JMJD1C: variants seen among roughly 807,000 people sequenced by gnomAD.
The protein encoded by JMJD1C is jumonji domain-containing protein 1C.
A neutral mutation model predicts 245.3 loss-of-function variants in JMJD1C; 31 were observed. The ratio of observed to expected loss-of-function variants is 0.13; its 90% CI spans 0.09 to 0.17. The LOEUF (loss-of-function observed/expected upper bound fraction) is 0.17, where lower values mean the gene tolerates loss of function less well. Among genes scored for constraint, JMJD1C ranks in the 10% least tolerant of loss-of-function variants. JMJD1C has a pLI of 1.00. For missense variants in JMJD1C, 2,691 were observed against 3,000.2 expected, an observed-to-expected ratio of 0.90 and a Z score of 2.41; for synonymous variants, 1,057 against 1,017.4, an observed-to-expected ratio of 1.04 and a Z score of -0.74.
chr10:63,246,884 A>T (rs2133575905), intron 3 of JMJD1C, among the ~76,000 whole-genome samples: 1 of 152,124 alleles, frequency 6.6e-6, no homozygotes, highest in South Asian at 2.1e-4. Flanking sequence ...AATTTTTTTT[A>T]ATTTCTTGAA....
intron 2 of JMJD1C, among the ~76,000 whole-genome samples, chr10:63,317,192 T>G (rs1263580975): frequency 6.6e-6 from 1 of 151,914 alleles, no homozygotes; most frequent in Admixed American, 6.6e-5. Context: ...CTAGGAACAT[T>G]TAAGTCTTCT....
intron 3 of JMJD1C, among the ~76,000 whole-genome samples, chr10:63,236,622 A>C (rs546749355): frequency 8.7e-4 from 133 of 152,312 alleles, no homozygotes; most frequent in African/African-American, 3.0e-3. Flanking sequence ...GCTTCCTCAA[A>C]CTTAAACTGA....
chr10:63,472,036 C>T (rs1953507016), intron 1 of JMJD1C, among the ~76,000 whole-genome samples: 1 of 152,042 alleles, frequency 6.6e-6, no homozygotes, highest in South Asian at 2.1e-4. Context: ...GAGACTCAGT[C>T]TCAAAACAAA....
In JMJD1C at chr10:63,323,896, G is replaced by A. The variant is rs189027568; in HGVS notation, c.333+56422C>T. Among the ~76,000 whole-genome samples, 79 of 152,204 alleles carry A rather than the reference G, an allele frequency of 5.2e-4. 2 individuals carry two copies. Among genetic ancestry groups the A allele is most frequent in the Admixed American group, 3.1e-3 (47 of 15,282 alleles). Reference sequence around the variant, plus strand: ...TATGAAAGCCAAAATCCCATGATCTGCAGCCCACAAGCTGGAGAAACAGGA... The same window carrying A: ...TATGAAAGCCAAAATCCCATGATCTACAGCCCACAAGCTGGAGAAACAGGA... On this transcript the variant is annotated intron_variant, in intron 2 of 25. Transcript: ENST00000399262.
intron 1 of JMJD1C, among the ~76,000 whole-genome samples, chr10:63,500,202 G>A (rs1224001200): frequency 6.6e-6 from 1 of 152,056 alleles, no homozygotes; most frequent in Non-Finnish European, 1.5e-5. Context: ...CGGGAGAACT[G>A]CTTGAGCCCA....
At chr10:63,432,204 C>G (rs566773877) in intron 1 of JMJD1C, among the ~76,000 whole-genome samples, 1 of 152,276 alleles carries the variant, frequency 6.6e-6, no homozygotes, top group South Asian at 2.1e-4. Context: ...GTGCCATTTT[C>G]TATACATCTG....
chr10:63,425,377 G>C (rs184892888), intron 1 of JMJD1C, among the ~76,000 whole-genome samples: 1 of 152,126 alleles, frequency 6.6e-6, no homozygotes, highest in Non-Finnish European at 1.5e-5. Context: ...GATCTTATGA[G>C]ATTAAAAGTC....
intron 1 of JMJD1C, among the ~76,000 whole-genome samples, chr10:63,413,347 T>C (rs1360909960): frequency 6.6e-6 from 1 of 152,176 alleles, no homozygotes; most frequent in African/African-American, 2.4e-5. Flanking sequence ...ACCTTAAATA[T>C]ATGGTATTCA....
At chr10:63,389,346 T>C (rs572573962) in intron 1 of JMJD1C, among the ~76,000 whole-genome samples, 1 of 146,384 alleles carries the variant, frequency 6.8e-6, no homozygotes, top group African/African-American at 2.5e-5. Context: ...AAAAAAGATC[T>C]AAATGGAGAG....
intron 1 of JMJD1C, among the ~76,000 whole-genome samples, chr10:63,439,838 T>C (rs765380991): frequency 6.6e-6 from 1 of 152,220 alleles, no homozygotes; most frequent in Non-Finnish European, 1.5e-5. Flanking sequence ...CAGTTTATTT[T>C]TTTAAGTAAT....
intron 2 of JMJD1C, among the ~76,000 whole-genome samples, chr10:63,295,808 C>A (rs1193141251): frequency 6.6e-6 from 1 of 151,306 alleles, no homozygotes; most frequent in African/African-American, 2.4e-5. Context: ...TCCAATGAGC[C>A]CCTTGTCACA....
intron 1 of JMJD1C, among the ~76,000 whole-genome samples, chr10:63,400,424 A>C (rs572142519): frequency 6.6e-6 from 1 of 152,230 alleles, no homozygotes; most frequent in South Asian, 2.1e-4. Flanking sequence ...GAGGGAAGAG[A>C]AGCCAAGTGA....
At chr10:63,200,119 C>A (rs1396743944) in intron 11 of JMJD1C, among the ~76,000 whole-genome samples, 1 of 152,072 alleles carries the variant, frequency 6.6e-6, no homozygotes, top group African/African-American at 2.4e-5. Context: ...TTTAGTTGAA[C>A]TCTTGCAAGT....
At chr10:63,444,288 T>C (rs557347164) in intron 1 of JMJD1C, among the ~76,000 whole-genome samples, 21 of 152,206 alleles carry the variant, frequency 1.4e-4, no homozygotes, top group African/African-American at 4.8e-4. Context: ...TATTTATTTA[T>C]TTTGAGATAG....
chr10:63,209,247 A>G lies in JMJD1C; in HGVS notation c.2695-12T>C. 6.3e-7 allele frequency: 1 copy of G among 1,583,226 alleles called. No homozygotes were observed. Among genetic ancestry groups the G allele is most frequent in the Non-Finnish European group, 8.6e-7 (1 of 1,166,638 alleles). On this transcript the variant is annotated splice_polypyrimidine_tract_variant and intron_variant, in intron 8 of 25. Coordinates refer to ENST00000399262, the MANE Select transcript of JMJD1C (RefSeq NM_032776.3). ...GGACTGGGAGAATTCTATTAACAAAACAAAACAAAAAAAACACCTAGATTT... is the reference window on the plus strand; with the variant it reads ...GGACTGGGAGAATTCTATTAACAAAGCAAAACAAAAAAAACACCTAGATTT...
chr10:63,211,262 C>T (rs189869417), intron 8 of JMJD1C, among the ~76,000 whole-genome samples: 24 of 151,918 alleles, frequency 1.6e-4, no homozygotes, highest in South Asian at 4.1e-4. Flanking sequence ...GTCAGGAGTT[C>T]GAGACCAGCC....
chr10:63,201,658 G>A (rs941081692), intron 10 of JMJD1C, among the ~76,000 whole-genome samples: 3 of 152,248 alleles, frequency 2.0e-5, no homozygotes, highest in Admixed American at 6.5e-5. Flanking sequence ...GGCCGGGCAC[G>A]GTGGCTCATG....
chr10:63,480,874 A>G (rs1197966761), intron 1 of JMJD1C, among the ~76,000 whole-genome samples: 4 of 152,210 alleles, frequency 2.6e-5, no homozygotes, highest in Non-Finnish European at 5.9e-5. Context: ...CTTTCATTCT[A>G]TATCACAGGA....
At chr10:63,511,878 T>G (rs1044813767) in intron 1 of JMJD1C, among the ~76,000 whole-genome samples, 1 of 152,218 alleles carries the variant, frequency 6.6e-6, no homozygotes, top group Non-Finnish European at 1.5e-5. Context: ...CCATGTATAC[T>G]GAGGAATAAC....
Sources: gnomAD v4.1 joint callset for allele counts (sites outside exome capture counted in the v4.1 genomes callset) on GRCh38, gnomAD v4.1.1 for gene constraint, MANE v1.5 for transcripts, NCBI Gene and HGNC (gene_info 2026-07-23, HGNC 2026-07-21) for gene names.